Variants in BTBD8 observed in about 807,000 individuals in gnomAD.
The protein encoded by BTBD8 is BTB domain containing 8, also known as BTB/POZ domain-containing protein 8.
A neutral mutation model predicts 162.9 loss-of-function variants in BTBD8; 110 were observed. The observed-to-expected ratio is 0.68, with a 90% confidence interval of 0.58 to 0.79. BTBD8 has a LOEUF of 0.79. Among genes scored for constraint, BTBD8 ranks in the 30% least tolerant of loss-of-function variants. The pLI is 0.00. For synonymous variants in BTBD8, 667 were observed against 716.1 expected (o/e 0.93, Z 1.10); for missense variants, 1,905 against 2,085.4 (o/e 0.91, Z 1.68).
intron 17 of BTBD8, 52 bp from the exon 18 acceptor site, chr1:92,183,812 G>C: frequency 1.7e-6 from 2 of 1,170,992 alleles, no homozygotes; most frequent in Non-Finnish European, 2.4e-6. Context: ...ACAAAACTCT[G>C]AGGGTACCAA....
At chr1:92,119,774 C>T (rs1649144173) in intron 4 of BTBD8, among the ~76,000 whole-genome samples, 1 of 151,378 alleles carries the variant, frequency 6.6e-6, no homozygotes, top group South Asian at 2.1e-4. Context: ...CTACAGGTGC[C>T]CGTCACCGAA....
At chr1:92,136,545 G>T (rs944572941) in intron 5 of BTBD8, among the ~76,000 whole-genome samples, 2 of 151,956 alleles carry the variant, frequency 1.3e-5, no homozygotes, top group African/African-American at 4.8e-5. Flanking sequence ...TGATCCTGGG[G>T]GTATTGAATC....
intron 9 of BTBD8, among the ~76,000 whole-genome samples, chr1:92,161,911 A>C (rs919800175): frequency 6.6e-6 from 1 of 152,170 alleles, no homozygotes; most frequent in African/African-American, 2.4e-5. Context: ...TTCACAAAAG[A>C]TCTCTTAGCC....
chr1:92,169,057 G>T, intron 12 of BTBD8, 62 bp downstream of exon 12: 1 of 1,412,858 alleles, frequency 7.1e-7, no homozygotes. Flanking sequence ...CAGATATTTT[G>T]AGGGCATTCT....
At position 92,141,214 on chromosome 1, in the gene BTBD8, A is replaced by G. The variant is rs1367662906; in HGVS notation, c.930+3A>G. The G allele has an allele frequency of 1.1e-5, 18 of 1,574,808 alleles. No individual in the cohort carries two copies. Among genetic ancestry groups the G allele is most frequent in the Non-Finnish European group, 1.6e-5 (18 of 1,157,832 alleles). ...ATTACTGTAATTTCTTTCAGAAGGTAATTATTGAGCCTCAGAAATCTTTTA... is the reference window on the plus strand; with the variant it reads ...ATTACTGTAATTTCTTTCAGAAGGTGATTATTGAGCCTCAGAAATCTTTTA... On this transcript the variant is annotated splice_donor_region_variant and intron_variant, in intron 7 of 17. Transcript: ENST00000636805.
At chr1:92,148,059 A>G (rs963600428) in intron 9 of BTBD8, among the ~76,000 whole-genome samples, 8 of 152,162 alleles carry the variant, frequency 5.3e-5, no homozygotes, top group Non-Finnish European at 1.0e-4. Flanking sequence ...AGAAAGGCTT[A>G]TGCGTTGGCT....
chr1:92,111,858 G>A (rs1383979568), intron 4 of BTBD8, among the ~76,000 whole-genome samples: 3 of 152,174 alleles, frequency 2.0e-5, no homozygotes, highest in East Asian at 1.9e-4. Context: ...TGGCCTAAAT[G>A]TGGTTAAGTG....
At chr1:92,127,857 G>A (rs1230593979) in intron 4 of BTBD8, among the ~76,000 whole-genome samples, 4 of 152,060 alleles carry the variant, frequency 2.6e-5, no homozygotes, top group South Asian at 2.1e-4. Context: ...CACCGTGCCC[G>A]ACCGAAGCTT....
rs1203864816 is a variant in BTBD8, at chr1:92,182,359, G to A, written c.4676G>A (p.Gly1559Glu). 1 of 1,550,434 alleles carries A rather than the reference G, an allele frequency of 6.4e-7. No homozygotes were observed. The highest frequency in any genetic ancestry group is 1.2e-5 in the South Asian group (1 of 83,716). Residue 1559 changes from glycine (G) to glutamate (E), a missense_variant, in exon 17 of 18, where the codon GGA becomes GAA. By Grantham distance (98) the Gly-to-Glu change is moderately conservative. Transcript: ENST00000636805. ...CGAGAAGATAAAAAAGTAAACAATG[G>A]AAGCAATGTGGAAAATGACATTCAG... is the stretch of plus-strand genomic sequence containing the variant. ...LLREDKKVNNGSNVENDIQQR... is the reference protein window; with the variant it reads ...LLREDKKVNNESNVENDIQQR...
At chr1:92,139,632 T>C in intron 6 of BTBD8, 1 of 1,092,396 alleles carries the variant, frequency 9.2e-7, no homozygotes, top group Non-Finnish European at 1.1e-6. Flanking sequence ...CTCACAGTAA[T>C]AAGATTGAGA....
chr1:92,135,166 C>T (rs770066868), intron 5 of BTBD8, among the ~76,000 whole-genome samples: 43 of 151,872 alleles, frequency 2.8e-4, no homozygotes, highest in Non-Finnish European at 4.7e-4. Flanking sequence ...GGATTATAGG[C>T]GTGAGCCACT....
chr1:92,090,617 G>A (rs561603690), intron 2 of BTBD8, among the ~76,000 whole-genome samples: 1 of 152,168 alleles, frequency 6.6e-6, no homozygotes, highest in African/African-American at 2.4e-5. Flanking sequence ...TATCATTTAT[G>A]ACACAAAAGT....
rs1310715164 is a variant in BTBD8, at chr1:92,182,223, G to A, written c.4540G>A (p.Val1514Ile). 1.3e-6 allele frequency: 2 copies of A among 1,550,708 alleles called. No homozygotes were observed. Among genetic ancestry groups the A allele is most frequent in the South Asian group, 2.4e-5 (2 of 83,902 alleles). The change falls in exon 17 of 18, where the codon GTC (valine) becomes ATC (isoleucine). Residue 1514 changes from valine (V) to isoleucine (I), a missense_variant. By Grantham distance (29) the Val-to-Ile change is conservative. This residue lies in a region of BTBD8 where 517 missense variants were observed against 606.6 expected (regional missense o/e 0.85). Transcript: ENST00000636805. ...GNSVCKNESTVLDLSSIDSSR... is the reference protein window; with the variant it reads ...GNSVCKNESTILDLSSIDSSR... ...TAGTGTATGTAAAAATGAAAGCACTGTCTTGGATCTTAGTAGCATTGACTC... is the reference window on the plus strand; with the variant it reads ...TAGTGTATGTAAAAATGAAAGCACTATCTTGGATCTTAGTAGCATTGACTC...
chr1:92,167,045 A>G lies in BTBD8; in HGVS notation c.1210A>G (p.Thr404Ala). 1 of 1,550,826 alleles carries G rather than the reference A, an allele frequency of 6.4e-7. No individual in the cohort carries two copies. Among genetic ancestry groups the G allele is most frequent in the Non-Finnish European group, 8.7e-7 (1 of 1,147,042 alleles). Residue 404 changes from threonine (T) to alanine (A), a missense_variant, in exon 10 of 18, where the codon ACC becomes GCC. This residue lies in a region of BTBD8 where 1,374 missense variants were observed against 1,442.7 expected (regional missense o/e 0.95). Transcript: ENST00000636805. ...AGTGAAGTGGACGGAAGCAGCACTG[A>G]CCATGGCGTCTCAGCTTCAAGAAAA... ...PRVKWTEAALTMASQLQEKCI... is the reference protein window; with the variant it reads ...PRVKWTEAALAMASQLQEKCI...
chr1:92,171,603 T>A, intron 13 of BTBD8, 143 bp downstream of exon 13: 1 of 542,900 alleles, frequency 1.8e-6, no homozygotes, highest in South Asian at 3.6e-5. Context: ...TTTTTCTAAA[T>A]CAAGTGAACA....
At chr1:92,162,843 T>C (rs1650299121) in intron 9 of BTBD8, among the ~76,000 whole-genome samples, 1 of 152,182 alleles carries the variant, frequency 6.6e-6, no homozygotes, top group South Asian at 2.1e-4. Flanking sequence ...GAAATGTATC[T>C]TGTAGATATT....
chr1:92,147,157 AT>A, intron 7 of BTBD8, 22 bp from the exon 8 acceptor site: 1 of 1,533,998 alleles, frequency 6.5e-7, no homozygotes, highest in Non-Finnish European at 8.9e-7. Flanking sequence ...AGGAATAAAT[AT>A]GGTGTTTTCC....
chr1:92,153,300 A>G (rs1650089417), intron 9 of BTBD8, among the ~76,000 whole-genome samples: 1 of 152,176 alleles, frequency 6.6e-6, no homozygotes, highest in Non-Finnish European at 1.5e-5. Context: ...TATTTTATAT[A>G]TGAATTCTAT....
At chr1:92,118,820 T>TTTTG (rs71586733) in intron 4 of BTBD8, among the ~76,000 whole-genome samples, 2 of 144,526 alleles carry the variant, frequency 1.4e-5, no homozygotes, top group Non-Finnish European at 3.0e-5. Context: ...TTTTTTTTTT[T>TTTTG]GCTCTATTTG....
Sources: allele counts gnomAD v4.1 joint callset (sites outside exome capture counted in the v4.1 genomes callset), GRCh38; gene constraint gnomAD v4.1.1; regional missense constraint gnomAD v4.1.1; transcripts MANE v1.5; gene names NCBI Gene and HGNC (gene_info 2026-07-23, HGNC 2026-07-21).